The following ROBO1 variants were observed in gnomAD, a reference collection of about 807,000 sequenced individuals.
ROBO1 encodes the protein roundabout guidance receptor 1, also known as roundabout homolog 1.
Under a neutral mutation model 195.9 loss-of-function variants are expected in ROBO1, and 149 were observed. The ratio of observed to expected loss-of-function variants is 0.76; its 90% CI spans 0.67 to 0.87. The LOEUF (loss-of-function observed/expected upper bound fraction) is 0.87. ROBO1 is among the 40% of genes least tolerant of loss of function. The pLI is 0.00. For missense variants in ROBO1, 1,933 were observed against 2,068.3 expected (o/e 0.93, Z 1.27); for synonymous variants, 816 against 733.2 (o/e 1.11, Z -1.82).
At chr3:79,273,248 T>G (rs1414364197) in intron 2 of ROBO1, among the ~76,000 whole-genome samples, 1 of 152,100 alleles carries the variant, frequency 6.6e-6, no homozygotes, top group African/African-American at 2.4e-5. Flanking sequence ...AAAATACTGA[T>G]ATCTTCAGTG....
At chr3:79,454,548 A>G (rs974116846) in intron 2 of ROBO1, among the ~76,000 whole-genome samples, 6 of 152,132 alleles carry the variant, frequency 3.9e-5, no homozygotes, top group Non-Finnish European at 8.8e-5. Flanking sequence ...GCATTTTAGC[A>G]TGAGTTAAAG....
chr3:79,765,587 T>C (rs1459120892), intron 1 of ROBO1, among the ~76,000 whole-genome samples: 3 of 152,148 alleles, frequency 2.0e-5, no homozygotes, highest in Non-Finnish European at 2.9e-5. Flanking sequence ...GCTAGGAGAA[T>C]ACAAGTTTGG....
chr3:79,647,960 C>T (rs1244756170), intron 1 of ROBO1, among the ~76,000 whole-genome samples: 7 of 152,028 alleles, frequency 4.6e-5, no homozygotes, highest in Non-Finnish European at 8.8e-5. Flanking sequence ...ATTTTGTTGA[C>T]GTTTTTGTGA....
intron 5 of ROBO1, among the ~76,000 whole-genome samples, chr3:78,739,302 C>T (rs1362692243): frequency 1.3e-5 from 2 of 152,176 alleles, no homozygotes; most frequent in African/African-American, 2.4e-5. Context: ...TATATCTATA[C>T]AAAATTCCCC....
intron 1 of ROBO1, among the ~76,000 whole-genome samples, chr3:79,709,232 C>A (rs1026796453): frequency 5.6e-4 from 85 of 152,152 alleles, no homozygotes; most frequent in African/African-American, 2.0e-3. Flanking sequence ...TTTCTTTTTC[C>A]AAGATCTTAA....
chr3:79,045,141 C>A (rs1576606773), intron 3 of ROBO1, among the ~76,000 whole-genome samples: 1 of 151,546 alleles, frequency 6.6e-6, no homozygotes, highest in Non-Finnish European at 1.5e-5. Flanking sequence ...AAAAATAAAC[C>A]CCCTTAAAGT....
At chr3:79,584,916 T>G (rs9872108) in intron 2 of ROBO1, among the ~76,000 whole-genome samples, 80,077 of 151,232 alleles carry the variant, frequency 0.53, 21,571 homozygotes, top group African/African-American at 0.63. Flanking sequence ...TTTGATCTGG[T>G]TAAGTCCATT....
chr3:79,039,677 C>T lies in ROBO1; in HGVS notation c.172+85779G>A, dbSNP rs186327105. On this transcript the variant is annotated intron_variant, in intron 3 of 30. Transcript: ENST00000464233. ...GGACATGGTGGCACATGCCTGTAAT[C>T]CCAGCTACTCGGGAGACTGAGGCAG... is the stretch of plus-strand genomic sequence containing the variant. Among the ~76,000 whole-genome samples, 100 of 151,790 alleles carry T rather than the reference C, an allele frequency of 6.6e-4. 2 individuals carry two copies. The East Asian group carries it at 0.012, about 19-fold the overall frequency.
chr3:79,243,843 C>A (rs1380159970), intron 2 of ROBO1, among the ~76,000 whole-genome samples: 2 of 152,132 alleles, frequency 1.3e-5, no homozygotes, highest in Admixed American at 1.3e-4. Context: ...AATTAGATCC[C>A]ATTTGTCAAT....
chr3:79,695,821 A>G (rs1560108290), intron 1 of ROBO1, among the ~76,000 whole-genome samples: 1 of 151,590 alleles, frequency 6.6e-6, no homozygotes, highest in Admixed American at 6.6e-5. Context: ...AATATAAAAA[A>G]AAAGTGTATA....
Position 79,383,908 on chromosome 3 carries a change from T to A in ROBO1, c.88+205916A>T, listed in dbSNP as rs970324294. Among the ~76,000 whole-genome samples, 8 of 152,074 alleles carry A rather than the reference T, an allele frequency of 5.3e-5. No homozygotes were observed. The East Asian group carries it at 1.5e-3, about 29-fold the overall frequency. Reference sequence around the variant, plus strand: ...CTCAGTAATCAACCTTTGTAAAACATCATATTATACACCAAACTAATAATT... The same window carrying A: ...CTCAGTAATCAACCTTTGTAAAACAACATATTATACACCAAACTAATAATT... On this transcript the variant is annotated intron_variant, in intron 2 of 30. Transcript: ENST00000464233.
At chr3:79,547,678 T>G (rs1942321200) in intron 2 of ROBO1, among the ~76,000 whole-genome samples, 1 of 152,206 alleles carries the variant, frequency 6.6e-6, no homozygotes. Flanking sequence ...TTATTCAGGA[T>G]ACAGCATATT....
chr3:78,673,565 TATATATATATATA>T (rs1559727767), intron 10 of ROBO1, among the ~76,000 whole-genome samples: 260 of 20,110 alleles, frequency 0.013, 6 homozygotes, highest in African/African-American at 0.055. Context: ...ATATATTTTA[TATATATATATATA>T]TATATATATA....
intron 2 of ROBO1, among the ~76,000 whole-genome samples, chr3:79,266,743 C>G (rs1185076963): frequency 6.6e-6 from 1 of 151,574 alleles, no homozygotes; most frequent in Non-Finnish European, 1.5e-5. Flanking sequence ...GTTGTTATAA[C>G]TAACTGGTTT....
At chr3:79,140,809 C>A (rs943293257) in intron 2 of ROBO1, among the ~76,000 whole-genome samples, 7 of 152,092 alleles carry the variant, frequency 4.6e-5, no homozygotes, top group African/African-American at 1.7e-4. Flanking sequence ...AACTGTGTTT[C>A]TTCACATCTT....
At chr3:79,751,387 G>A (rs1200210453) in intron 1 of ROBO1, among the ~76,000 whole-genome samples, 1 of 151,926 alleles carries the variant, frequency 6.6e-6, no homozygotes, top group African/African-American at 2.4e-5. Flanking sequence ...CTATAGCACT[G>A]CAATATAAAT....
At chr3:79,552,071 C>CTTCTTTCAT (rs1264191888) in intron 2 of ROBO1, among the ~76,000 whole-genome samples, 2 of 137,418 alleles carry the variant, frequency 1.5e-5, no homozygotes, top group African/African-American at 2.7e-5. Flanking sequence ...AGAAAGAAGT[C>CTTCTTTCAT]TTCTTTCATC....
At chr3:78,845,761 C>T (rs1043237362) in intron 4 of ROBO1, among the ~76,000 whole-genome samples, 1 of 152,102 alleles carries the variant, frequency 6.6e-6, no homozygotes, top group Non-Finnish European at 1.5e-5. Context: ...TGTTTTAATC[C>T]CCCAGTAGCA....
chr3:79,205,071 CA>C (rs2081842018), intron 2 of ROBO1, among the ~76,000 whole-genome samples: 1 of 152,124 alleles, frequency 6.6e-6, no homozygotes, highest in African/African-American at 2.4e-5. Flanking sequence ...TGGCTCACAG[CA>C]ACCTCTACCT....
Sources: gnomAD v4.1 joint callset for allele counts (sites outside exome capture counted in the v4.1 genomes callset) on GRCh38, gnomAD v4.1.1 for gene constraint, MANE v1.5 for transcripts, NCBI Gene and HGNC (gene_info 2026-07-23, HGNC 2026-07-21) for gene names.